ABCB4: variants seen among roughly 807,000 people sequenced by gnomAD.
The protein encoded by ABCB4 is phosphatidylcholine translocator ABCB4.
Under a neutral mutation model 145.7 loss-of-function variants are expected in ABCB4, and 76 were observed. The observed-to-expected ratio is 0.52, with a 90% CI of 0.43 to 0.63. The LOEUF is 0.63. Ranked by LOEUF, ABCB4 falls within the 30% of genes least tolerant of loss-of-function variation. ABCB4 has a pLI of 0.00. For missense variants in ABCB4, 1,234 were observed against 1,553.1 expected (o/e 0.79, Z 3.45); for synonymous variants, 517 against 566.8 (o/e 0.91, Z 1.25).
intron 6 of ABCB4, chr7:87,452,689 G>A (rs1811826520): frequency 1.9e-6 from 1 of 537,292 alleles, no homozygotes. Context: ...TCCTGCAGTA[G>A]AAAGTTCCAT....
intron 14 of ABCB4, among the ~76,000 whole-genome samples, chr7:87,434,878 T>A (rs1188128527): frequency 6.6e-6 from 1 of 152,266 alleles, no homozygotes; most frequent in Non-Finnish European, 1.5e-5. Context: ...AATATGAATC[T>A]TTTTATTAAT....
chr7:87,366,999 A>G, the ABCB4 span, among the ~76,000 whole-genome samples: 1 of 152,182 alleles, frequency 6.6e-6, no homozygotes, highest in Non-Finnish European at 1.5e-5. Flanking sequence ...TTTTCACAAC[A>G]GATATGAGCA....
Position 87,446,828 on chromosome 7 carries a change from C to T in ABCB4, c.1005+206G>A, listed in dbSNP as rs4148823. Among the ~76,000 whole-genome samples, 4,968 of 152,284 alleles carry T rather than the reference C, an allele frequency of 0.033. 131 individuals are homozygous for T. The highest frequency in any genetic ancestry group is 0.11 in the South Asian group (512 of 4,826). ...ATATGTTTCACAAATGGTCTAACCA[C>T]ATGCTATTTTCTTATCCACACTCAT... On this transcript the variant is annotated intron_variant, in intron 9 of 27. Coordinates refer to ENST00000649586, the MANE Select transcript of ABCB4 (RefSeq NM_000443.4).
rs749297226 is a variant in ABCB4, at chr7:87,444,897, C to T, written c.1084G>A (p.Gly362Arg). 2 of 1,609,242 alleles carry T rather than the reference C, an allele frequency of 1.2e-6. No individual in the cohort carries two copies. The highest frequency in any genetic ancestry group is 1.7e-6 in the Non-Finnish European group (2 of 1,179,424). ...ATATCAAAGATCACATATGCTGCTC[C>T]TCTTGCATTGGCAAAAGCATCAATA... ...PCIDAFANAR[G>R]AAYVIFDIID... is the part of the protein sequence containing the mutation. Residue 362 changes from glycine to arginine, a missense_variant, in exon 10 of 28, where the codon GGA becomes AGA. This residue lies in a region of ABCB4 where 467 missense variants were observed against 632.8 expected (regional missense o/e 0.74). Transcript: ENST00000649586.
intron 4 of ABCB4, among the ~76,000 whole-genome samples, 153 bp downstream of exon 4, chr7:87,462,605 C>T (rs1319060279): frequency 6.6e-6 from 1 of 152,196 alleles, no homozygotes; most frequent in African/African-American, 2.4e-5. Context: ...GAACAATTTT[C>T]TGAGAATTTT....
chr7:87,376,101 C>G, the ABCB4 span: 1 of 655,526 alleles, frequency 1.5e-6, no homozygotes, highest in East Asian at 3.0e-5. Flanking sequence ...CAAATTGAAG[C>G]TTATAAAGTA....
At position 87,440,442 on chromosome 7, in the gene ABCB4, T is replaced by C. The variant is rs31675; in HGVS notation, c.1357-40A>G. On this transcript the variant is annotated intron_variant, in intron 12 of 27. Transcript: ENST00000649586. ...TATTTCCTATTAAGTATTTAACCAT[T>C]TAATAGCTGAAGTATCAGGACCATT... The C allele has an allele frequency of 0.92, 1,434,570 of 1,564,556 alleles. 659,096 individuals carry two copies. Among genetic ancestry groups the C allele is most frequent in the African/African-American group, 0.95 (69,901 of 73,680 alleles).
At chr7:87,395,403 A>T in the ABCB4 span, among the ~76,000 whole-genome samples, 1 of 152,222 alleles carries the variant, frequency 6.6e-6, no homozygotes. Flanking sequence ...TGTCTCAGAC[A>T]CACCCAGGAT....
the ABCB4 span, chr7:87,375,991 T>G: frequency 1.3e-6 from 2 of 1,523,824 alleles, no homozygotes; most frequent in South Asian, 1.3e-5. Flanking sequence ...TTATTGCAGA[T>G]TTTTCTGGAA....
At position 87,418,586 on chromosome 7, in the gene ABCB4, G is replaced by A. The variant is rs1809165484; in HGVS notation, c.2429C>T (p.Thr810Ile). ...MSWFDDHKNS[T>I]GALSTRLATD... is the part of the protein sequence containing the mutation. ...GGCAAGTCTTGTAGAAAGTGCACCA[G>A]TACTGTTTTTATGGTCATCAAACCA... Residue 810 changes from threonine to isoleucine, a missense_variant, in exon 20 of 28, where the codon ACT becomes ATT. By Grantham distance (89) the Thr-to-Ile change is moderately conservative (BLOSUM62 -1). Transcript: ENST00000649586. The A allele has an allele frequency of 6.2e-7, 1 of 1,614,140 alleles. No individual in the cohort carries two copies. Among genetic ancestry groups the A allele is most frequent in the Non-Finnish European group, 8.5e-7 (1 of 1,180,008 alleles).
rs1813731575 is a variant in ABCB4, at chr7:87,475,382, G to A, written c.80+4C>T. 1.2e-6 allele frequency: 2 copies of A among 1,614,110 alleles called. No homozygotes were observed. The highest frequency in any genetic ancestry group is 2.7e-5 in the African/African-American group (2 of 74,946). On this transcript the variant is annotated splice_donor_region_variant and intron_variant, in intron 2 of 27. Coordinates refer to ENST00000649586, the MANE Select transcript of ABCB4 (RefSeq NM_000443.4). Reference sequence around the variant, plus strand: ...GGAAAAGCCAGTGGCTGCTGGGGATGTACCTGCTGATGCCCAGTTCAAAGT... The same window carrying A: ...GGAAAAGCCAGTGGCTGCTGGGGATATACCTGCTGATGCCCAGTTCAAAGT...
the ABCB4 span, among the ~76,000 whole-genome samples, chr7:87,378,573 A>G: frequency 1.4e-4 from 21 of 152,322 alleles, no homozygotes; most frequent in East Asian, 3.9e-3. Context: ...AGACTGCCCA[A>G]TGTGATTGTT....
intron 12 of ABCB4, 65 bp downstream of exon 12, chr7:87,443,253 AC>A: frequency 1.9e-6 from 3 of 1,609,370 alleles, no homozygotes; most frequent in Non-Finnish European, 2.5e-6. Context: ...TTACTGAAAA[AC>A]CAATTTCAAA....
intron 3 of ABCB4, among the ~76,000 whole-genome samples, chr7:87,465,828 C>T (rs771613431): frequency 5.3e-5 from 8 of 152,204 alleles, no homozygotes; most frequent in South Asian, 2.1e-4. Context: ...AACAGACCTG[C>T]GGCTGAGGGT....
intron 4 of ABCB4, among the ~76,000 whole-genome samples, chr7:87,457,758 C>G (rs1400113806): frequency 6.6e-6 from 1 of 152,196 alleles, no homozygotes; most frequent in Non-Finnish European, 1.5e-5. Context: ...CATGGTCACA[C>G]AGCTTATGGG....
chr7:87,412,980 G>C (rs1281089062), intron 22 of ABCB4, among the ~76,000 whole-genome samples: 1 of 152,198 alleles, frequency 6.6e-6, no homozygotes, highest in Admixed American at 6.5e-5. Flanking sequence ...AAAGATATCT[G>C]TTCAAATTTG....
chr7:87,382,577 T>C, the ABCB4 span: 1 of 1,591,904 alleles, frequency 6.3e-7, no homozygotes, highest in Non-Finnish European at 8.5e-7. Context: ...TTCACAGTCT[T>C]GAAGTCCAAG....
Position 87,412,050 on chromosome 7 carries a change from T to C in ABCB4, c.2784-17A>G. 1.9e-6 allele frequency: 3 copies of C among 1,613,360 alleles called. No homozygotes were observed. On this transcript the variant is annotated splice_polypyrimidine_tract_variant and intron_variant, in intron 22 of 27. Transcript: ENST00000649586. ...ACAGAATTCCTGAAAAGCAAATCAGTATACTTGTAACCATCTCTTCAGCCT... is the reference window on the plus strand; with the variant it reads ...ACAGAATTCCTGAAAAGCAAATCAGCATACTTGTAACCATCTCTTCAGCCT...
In ABCB4 at chr7:87,463,629, C is replaced by A. The variant is rs190388254; in HGVS notation, c.136-721G>T. Among the ~76,000 whole-genome samples, 371 of 152,260 alleles carry A rather than the reference C, an allele frequency of 2.4e-3. 1 individual carries two copies. Among genetic ancestry groups the A allele is most frequent in the Non-Finnish European group, 4.2e-3 (287 of 68,034 alleles). On this transcript the variant is annotated intron_variant, in intron 3 of 27. Coordinates refer to ENST00000649586, the MANE Select transcript of ABCB4 (RefSeq NM_000443.4). ...CTTAGAATAAGAAGGTAACTAGAAA[C>A]TACATGGAATGCTTAAGTAACCCCT... is the stretch of plus-strand genomic sequence containing the variant.
Sources: allele counts gnomAD v4.1 joint callset (sites outside exome capture counted in the v4.1 genomes callset), GRCh38; gene constraint gnomAD v4.1.1; regional missense constraint gnomAD v4.1.1; transcripts MANE v1.5; gene names NCBI Gene and HGNC (gene_info 2026-07-23, HGNC 2026-07-21).